Variants in ANO6 observed in about 807,000 individuals in gnomAD.
ANO6 encodes anoctamin 6.
ANO6 carries 106 observed loss-of-function variants against 117.5 expected under a neutral mutation model. The ratio of observed to expected loss-of-function variants is 0.90; its 90% CI spans 0.77 to 1.06. ANO6 has a LOEUF of 1.06. Among genes scored for constraint, ANO6 ranks in the 50% least tolerant of loss-of-function variants. The probability of loss-of-function intolerance (pLI) is 0.00; values close to 1 mark genes in which losing one functional copy is unlikely to be tolerated. For missense variants in ANO6, 955 were observed against 1,121.1 expected (o/e 0.85, Z 2.12); for synonymous variants, 367 against 385.1 (o/e 0.95, Z 0.55).
intron 1 of ANO6, chr12:45,270,386 C>A: frequency 6.9e-7 from 1 of 1,444,194 alleles, no homozygotes; most frequent in Non-Finnish European, 9.1e-7. Flanking sequence ...CTGATGCCGC[C>A]TCCTGCTCTG....
At chr12:45,332,342 T>G (rs1338933272) in intron 3 of ANO6, among the ~76,000 whole-genome samples, 2 of 151,538 alleles carry the variant, frequency 1.3e-5, no homozygotes, top group Non-Finnish European at 2.9e-5. Flanking sequence ...AAAACTTTAA[T>G]TGTCCCTGTC....
chr12:45,328,903 C>A (rs750822738), intron 2 of ANO6, among the ~76,000 whole-genome samples: 2 of 152,080 alleles, frequency 1.3e-5, no homozygotes, highest in Non-Finnish European at 2.9e-5. Context: ...TAGTGTAATT[C>A]TTCAACTTTA....
In ANO6 at chr12:45,348,628, T is replaced by C. The variant is rs750836318; in HGVS notation, c.744T>C (p.His248=). The C allele has an allele frequency of 2.5e-6, 4 of 1,612,508 alleles. No homozygotes were observed. The African/African-American group carries it at 5.3e-5, about 22-fold the overall frequency. ...SGIYKAAFPL[H]DCKFRRQSED... is the part of the protein sequence containing the mutation. ...TCTACAAGGCAGCTTTCCCACTCCA[T>C]GATGTAAGTTAAAAGGCAAAAATGA... The change falls in exon 6 of 20, where the codon CAT becomes CAC. Residue 248 remains histidine, a synonymous_variant. Coordinates refer to ENST00000320560, the MANE Select transcript of ANO6 (RefSeq NM_001025356.3).
intron 1 of ANO6, among the ~76,000 whole-genome samples, chr12:45,296,495 A>G (rs1397834590): frequency 1.3e-5 from 2 of 152,218 alleles, no homozygotes; most frequent in Non-Finnish European, 2.9e-5. Flanking sequence ...TGCGAATGCT[A>G]TATAAATTTC....
At chr12:45,224,096 G>A (rs556479718) in intron 1 of ANO6, among the ~76,000 whole-genome samples, 3 of 152,180 alleles carry the variant, frequency 2.0e-5, no homozygotes, top group East Asian at 3.9e-4. Flanking sequence ...GAAAGGAAAC[G>A]GATAATTTCA....
intron 12 of ANO6, among the ~76,000 whole-genome samples, chr12:45,391,027 A>T (rs957876961): frequency 6.6e-6 from 1 of 152,148 alleles, no homozygotes; most frequent in African/African-American, 2.4e-5. Context: ...AGGCTGAGGC[A>T]CGAGAGTCAC....
At chr12:45,364,287 C>T (rs1448949182) in intron 8 of ANO6, among the ~76,000 whole-genome samples, 1 of 152,160 alleles carries the variant, frequency 6.6e-6, no homozygotes, top group African/African-American at 2.4e-5. Context: ...GTTTGGATCT[C>T]TTTGAGTTTA....
At chr12:45,367,233 C>T (rs529991832) in intron 8 of ANO6, among the ~76,000 whole-genome samples, 15 of 152,198 alleles carry the variant, frequency 9.9e-5, no homozygotes, top group South Asian at 2.1e-4. Flanking sequence ...TCACCCACCT[C>T]GGCCTCCCAA....
intron 9 of ANO6, among the ~76,000 whole-genome samples, chr12:45,372,996 A>C (rs1384351533): frequency 6.6e-6 from 1 of 152,234 alleles, no homozygotes; most frequent in Non-Finnish European, 1.5e-5. Context: ...ACATAGGTTC[A>C]AAATAAAAGG....
chr12:45,356,251 A>G (rs889505570), intron 7 of ANO6, among the ~76,000 whole-genome samples: 13 of 152,302 alleles, frequency 8.5e-5, no homozygotes, highest in African/African-American at 3.1e-4. Flanking sequence ...TTCCTCAATC[A>G]TATGCATCCT....
chr12:45,257,702 T>C (rs1937885718), intron 1 of ANO6, among the ~76,000 whole-genome samples: 1 of 152,202 alleles, frequency 6.6e-6, no homozygotes. Context: ...CCATCTCTCT[T>C]AGTTTGTGTT....
chr12:45,372,344 T>A (rs1565727768), intron 9 of ANO6, among the ~76,000 whole-genome samples: 1 of 136,842 alleles, frequency 7.3e-6, no homozygotes. Flanking sequence ...ACGTTCAGAT[T>A]CAGGAAATAC....
intron 1 of ANO6, among the ~76,000 whole-genome samples, chr12:45,219,503 A>AT (rs59216107): frequency 0.39 from 46,687 of 119,634 alleles, 10,287 homozygotes; most frequent in Non-Finnish European, 0.49. Context: ...TGCCTGGCCA[A>AT]TTTTTTTTTT....
intron 8 of ANO6, among the ~76,000 whole-genome samples, chr12:45,360,492 C>T (rs780588970): frequency 5.3e-5 from 8 of 152,184 alleles, no homozygotes; most frequent in Non-Finnish European, 1.0e-4. Flanking sequence ...ACTGGCAATA[C>T]CTAAATTGGA....
chr12:45,317,392 A>G (rs935897500), intron 2 of ANO6, among the ~76,000 whole-genome samples: 3 of 149,170 alleles, frequency 2.0e-5, no homozygotes, highest in Non-Finnish European at 4.4e-5. Flanking sequence ...TGTCCTTGCG[A>G]TAGTTTGCTG....
intron 19 of ANO6, among the ~76,000 whole-genome samples, chr12:45,438,249 GTA>G (rs924372007): frequency 2.7e-4 from 30 of 112,524 alleles, no homozygotes; most frequent in Admixed American, 7.1e-4. Flanking sequence ...ATATTTGCGT[GTA>G]TGTGTGTGTG....
chr12:45,243,345 A>G (rs1394002039), intron 1 of ANO6, among the ~76,000 whole-genome samples: 1 of 152,074 alleles, frequency 6.6e-6, no homozygotes, highest in Admixed American at 6.6e-5. Flanking sequence ...TAAGTTGTTT[A>G]ATAGCTTTTT....
At chr12:45,219,644 G>A (rs562272653) in intron 1 of ANO6, among the ~76,000 whole-genome samples, 4 of 151,824 alleles carry the variant, frequency 2.6e-5, no homozygotes, top group African/African-American at 9.7e-5. Flanking sequence ...ATGCCTGGCT[G>A]TTCAGTACTT....
At chr12:45,352,389 A>G (rs371117281) in intron 7 of ANO6, among the ~76,000 whole-genome samples, 13 of 151,834 alleles carry the variant, frequency 8.6e-5, no homozygotes, top group East Asian at 1.9e-4. Context: ...ATTAGCTTCT[A>G]TTTCTAAATA....
Sources: gnomAD v4.1 joint callset for allele counts (sites outside exome capture counted in the v4.1 genomes callset) on GRCh38, gnomAD v4.1.1 for gene constraint, MANE v1.5 for transcripts, NCBI Gene and HGNC (gene_info 2026-07-23, HGNC 2026-07-21) for gene names.